Variants in MROH1 observed in about 807,000 individuals in gnomAD.
The protein encoded by MROH1 is maestro heat like repeat family member 1.
Under a neutral mutation model 116.5 loss-of-function variants are expected in MROH1, and 117 were observed. The observed-to-expected ratio is 1.00, with a 90% CI of 0.86 to 1.17. The LOEUF (loss-of-function observed/expected upper bound fraction) is 1.17. MROH1 is among the 50% of genes most tolerant of loss of function. The pLI is 0.00. For synonymous variants in MROH1, 921 were observed against 583.9 expected, an observed-to-expected ratio of 1.58 and a Z score of -8.32; for missense variants, 1,873 against 1,338.5, an observed-to-expected ratio of 1.40 and a Z score of -6.23.
At position 144,261,881 on chromosome 8, in the gene MROH1, C is replaced by G; in HGVS notation, c.*141C>G. On this transcript the variant is annotated 3_prime_UTR_variant, in exon 44 of 44. Transcript: ENST00000326134. ...AACAGGCACTGCTGGGGACCAAACC[C>G]AAGCCCTTCAGTGAGGGATGTGCCC... 4 of 675,750 alleles carry G rather than the reference C, an allele frequency of 5.9e-6. No individual in the cohort carries two copies. Among genetic ancestry groups the G allele is most frequent in the Non-Finnish European group, 1.1e-5 (4 of 373,324 alleles). 41.9% of individuals were successfully genotyped at this position (675,750 alleles called of 1,614,324 possible).
Position 144,168,427 on chromosome 8 carries a change from G to C in MROH1, c.155G>C (p.Arg52Pro). The C allele has an allele frequency of 1.2e-6, 2 of 1,608,422 alleles. No individual in the cohort carries two copies. The highest frequency in any genetic ancestry group is 1.7e-6 in the Non-Finnish European group (2 of 1,177,982). The change falls in exon 4 of 44, where the codon CGG becomes CCG. Residue 52 changes from arginine to proline, a missense_variant. Arg to Pro is a moderately radical substitution (Grantham distance 103). Coordinates refer to ENST00000326134, the MANE Select transcript of MROH1 (RefSeq NM_032450.3). ...ETLRACEEYL[R>P]QHDKLAHPYR... ...CTCCGTGCCTGCGAGGAGTATCTGCGGCAGCATGACAAGGTATGTGTGCTC... is the reference window on the plus strand; with the variant it reads ...CTCCGTGCCTGCGAGGAGTATCTGCCGCAGCATGACAAGGTATGTGTGCTC...
At chr8:144,198,630 A>G (rs909456361) in intron 10 of MROH1, among the ~76,000 whole-genome samples, 17 of 151,760 alleles carry the variant, frequency 1.1e-4, no homozygotes, top group Admixed American at 2.0e-4. Flanking sequence ...TTTTTTCCTT[A>G]TAACTTTGAA....
intron 4 of MROH1, among the ~76,000 whole-genome samples, chr8:144,169,746 G>A (rs1265676046): frequency 1.6e-4 from 22 of 141,116 alleles, no homozygotes; most frequent in East Asian, 8.2e-4. Flanking sequence ...GGGTTCAAGC[G>A]ATTCTCCTGT....
chr8:144,175,891 A>T (rs1266438617), intron 4 of MROH1, among the ~76,000 whole-genome samples: 1 of 152,148 alleles, frequency 6.6e-6, no homozygotes, highest in Non-Finnish European at 1.5e-5. Flanking sequence ...TCTACTAAAA[A>T]TACAAAAATT....
At chr8:144,181,942 G>A (rs1825825550) in intron 7 of MROH1, among the ~76,000 whole-genome samples, 1 of 152,238 alleles carries the variant, frequency 6.6e-6, no homozygotes, top group Non-Finnish European at 1.5e-5. Flanking sequence ...CCCCTTCATA[G>A]GGGACCTGCG....
intron 14 of MROH1, among the ~76,000 whole-genome samples, chr8:144,234,683 ATT>A (rs782152533): frequency 1.5e-5 from 2 of 136,322 alleles, no homozygotes; most frequent in Non-Finnish European, 1.6e-5. Context: ...TGTCTGGCTA[ATT>A]TTTTTTTTTT....
At chr8:144,221,708 T>C (rs1315439056) in intron 13 of MROH1, among the ~76,000 whole-genome samples, 5 of 152,154 alleles carry the variant, frequency 3.3e-5, no homozygotes, top group African/African-American at 9.7e-5. Context: ...TTGGTCCTTT[T>C]GGACACCACC....
intron 4 of MROH1, chr8:144,175,194 G>A (rs565932753): frequency 2.6e-4 from 255 of 979,216 alleles, no homozygotes; most frequent in Admixed American, 3.1e-4. Context: ...GGATCTGGTC[G>A]AGTGGGTATA....
chr8:144,259,179 G>A, intron 36 of MROH1, 61 bp from the exon 37 acceptor site: 3 of 704,830 alleles, frequency 4.3e-6, no homozygotes, highest in Non-Finnish European at 7.8e-6. Context: ...AGGGTGGAAG[G>A]TGCCTGGGTA....
Position 144,221,205 on chromosome 8 carries a change from C to T in MROH1, c.1215+532C>T, listed in dbSNP as rs180924673. On this transcript the variant is annotated intron_variant, in intron 13 of 43. Coordinates refer to ENST00000326134, the MANE Select transcript of MROH1 (RefSeq NM_032450.3). ...GTCATGTGGACCCGGTTGGCGCCCT[C>T]GTGGCTGAGCTATCTCCAGCCCCTC... Among the ~76,000 whole-genome samples, 14 of 152,316 alleles carry T rather than the reference C, an allele frequency of 9.2e-5. No individual in the cohort carries two copies. The South Asian group carries it at 2.3e-3, about 25-fold the overall frequency.
At chr8:144,206,692 G>A (rs977386401) in intron 12 of MROH1, among the ~76,000 whole-genome samples, 5 of 151,422 alleles carry the variant, frequency 3.3e-5, no homozygotes, top group Admixed American at 6.6e-5. Context: ...CCAAAGTGCT[G>A]GGATTATAGG....
chr8:144,223,360 C>G, intron 14 of MROH1, 130 bp downstream of exon 14: 1 of 1,214,190 alleles, frequency 8.2e-7, no homozygotes. Context: ...CGGAGGTGCC[C>G]TCTGCTGTCT....
At chr8:144,179,367 G>T (rs1282875314) in intron 4 of MROH1, 88 bp from the exon 5 acceptor site, 2 of 1,554,076 alleles carry the variant, frequency 1.3e-6, no homozygotes, top group African/African-American at 1.4e-5. Context: ...GATTTGTGCG[G>T]TTTCATCTTG....
In MROH1 at chr8:144,174,693, G is replaced by C. The variant is rs968180873; in HGVS notation, c.169-4762G>C. On this transcript the variant is annotated intron_variant, in intron 4 of 43. Transcript: ENST00000326134. ...AAACAGGGCCTTACTATGTTATCCA[G>C]GCTGGTCTTGAACTCCTAGGCCCAA... Among the ~76,000 whole-genome samples, 4 of 152,174 alleles carry C rather than the reference G, an allele frequency of 2.6e-5. No homozygotes were observed. The East Asian group carries it at 7.7e-4, about 29-fold the overall frequency.
intron 14 of MROH1, among the ~76,000 whole-genome samples, chr8:144,236,681 T>C (rs1840090914): frequency 6.6e-6 from 1 of 151,650 alleles, no homozygotes; most frequent in African/African-American, 2.4e-5. Context: ...AGGCAGAGGT[T>C]GCAGTGAGCT....
chr8:144,209,689 G>A (rs999957056), intron 12 of MROH1, among the ~76,000 whole-genome samples: 11 of 151,282 alleles, frequency 7.3e-5, no homozygotes, highest in Admixed American at 4.6e-4. Flanking sequence ...CAAGCAGATC[G>A]CTTTATCCTA....
intron 4 of MROH1, among the ~76,000 whole-genome samples, chr8:144,178,453 G>A (rs1352265678): frequency 6.8e-6 from 1 of 148,052 alleles, no homozygotes; most frequent in African/African-American, 2.5e-5. Context: ...TTTTTTAGTA[G>A]AGACAGGGTT....
rs1354118893 is a variant in MROH1, at chr8:144,260,325, G to A, written c.4331G>A (p.Arg1444His). Reference protein sequence around the residue: ...LVHLVESWDLRSGLLHVAIRI... With the variant: ...LVHLVESWDLHSGLLHVAIRI... ...CACCTGGTGGAGTCCTGGGACCTGC[G>A]CTCAGGGCTGCTGCACGTGGCCATC... Residue 1444 changes from arginine to histidine, a missense_variant, in exon 39 of 44, where the codon CGC becomes CAC. By Grantham distance (29) the Arg-to-His change is conservative. Transcript: ENST00000326134. 10 of 741,174 alleles carry A rather than the reference G, an allele frequency of 1.3e-5. No individual in the cohort carries two copies. Among genetic ancestry groups the A allele is most frequent in the Non-Finnish European group, 2.0e-5 (8 of 404,626 alleles). 45.9% of individuals were successfully genotyped at this position (741,174 alleles called of 1,614,324 possible).
At chr8:144,252,006 C>T (rs1484960905) in intron 33 of MROH1, 3 of 227,642 alleles carry the variant, frequency 1.3e-5, no homozygotes, top group Non-Finnish European at 2.6e-5. Context: ...GGTGCTGCTG[C>T]CCATCCTTTC....
Sources: gnomAD v4.1 joint callset for allele counts (sites outside exome capture counted in the v4.1 genomes callset) on GRCh38, gnomAD v4.1.1 for gene constraint, MANE v1.5 for transcripts, NCBI Gene and HGNC (gene_info 2026-07-23, HGNC 2026-07-21) for gene names.